The following RIMS2 variants were observed in gnomAD, a reference collection of about 807,000 sequenced individuals.
RIMS2 encodes regulating synaptic membrane exocytosis protein 2.
A neutral mutation model predicts 174.4 loss-of-function variants in RIMS2; 59 were observed. That is an observed-to-expected ratio of 0.34 (90% CI 0.27 to 0.42). The LOEUF is 0.42. Among genes scored for constraint, RIMS2 ranks in the 10% least tolerant of loss-of-function variants. The probability of loss-of-function intolerance (pLI) is 1.00; values close to 1 mark genes in which losing one functional copy is unlikely to be tolerated. For missense variants in RIMS2, 1,620 were observed against 1,666.3 expected, an observed-to-expected ratio of 0.97 and a Z score of 0.48; for synonymous variants, 606 against 572.5, an observed-to-expected ratio of 1.06 and a Z score of -0.84.
At chr8:103,913,656 C>T (rs1015863542) in intron 6 of RIMS2, among the ~76,000 whole-genome samples, 3 of 152,052 alleles carry the variant, frequency 2.0e-5, no homozygotes, top group Non-Finnish European at 4.4e-5. Flanking sequence ...ATGCCAACAT[C>T]TGCTTGGCTT....
At chr8:103,936,086 G>A (rs899064956) in intron 12 of RIMS2, among the ~76,000 whole-genome samples, 1 of 151,908 alleles carries the variant, frequency 6.6e-6, no homozygotes, top group African/African-American at 2.4e-5. Flanking sequence ...AATTATCATT[G>A]GTCATTAGCT....
At chr8:103,985,473 CAAAAAAAAAAAAAAAA>C (rs58750334) in intron 16 of RIMS2, among the ~76,000 whole-genome samples, 5 of 36,162 alleles carry the variant, frequency 1.4e-4, no homozygotes, top group African/African-American at 3.1e-4. Flanking sequence ...GACTCTGTCT[CAAAAAAAAAAAAAAAA>C]AAAAAAAAAA....
intron 3 of RIMS2, among the ~76,000 whole-genome samples, chr8:103,815,101 C>T (rs2098710895): frequency 6.6e-6 from 1 of 152,066 alleles, no homozygotes; most frequent in South Asian, 2.1e-4. Flanking sequence ...AAAAATTTGT[C>T]ATGTTCTTAC....
intron 2 of RIMS2, among the ~76,000 whole-genome samples, 187 bp downstream of exon 4, chr8:103,697,483 C>T (rs562635890): frequency 6.6e-6 from 1 of 150,438 alleles, no homozygotes; most frequent in East Asian, 2.0e-4. Context: ...CCAAGGCGGG[C>T]GGATCACTTT....
chr8:104,062,413 A>C (rs1357089790), intron 19 of RIMS2, among the ~76,000 whole-genome samples: 1 of 152,242 alleles, frequency 6.6e-6, no homozygotes, highest in Non-Finnish European at 1.5e-5. Context: ...TCTCAAAAAA[A>C]TTTTAAAAAA....
chr8:103,890,714 A>C (rs1228569364), intron 4 of RIMS2, among the ~76,000 whole-genome samples: 1 of 151,894 alleles, frequency 6.6e-6, no homozygotes, highest in Non-Finnish European at 1.5e-5. Flanking sequence ...CCTTTGGGCT[A>C]TAGAAGGAGG....
chr8:104,126,674 T>G lies in RIMS2; in HGVS notation c.3334+112059T>G, dbSNP rs7832239. ...AAATATGTGAGTGCTTGTAACACAATGCCTACCATAGGGTAAGCTTTCAAT... is the reference window on the plus strand; with the variant it reads ...AAATATGTGAGTGCTTGTAACACAAGGCCTACCATAGGGTAAGCTTTCAAT... On this transcript the variant is annotated intron_variant, in intron 19 of 23. Transcript: ENST00000504942. 2.8e-3 allele frequency among the ~76,000 whole-genome samples: 433 copies of G among 152,342 alleles called. 3 individuals carry two copies. The highest frequency in any genetic ancestry group is 9.4e-3 in the African/African-American group (392 of 41,586).
chr8:103,986,209 T>C (rs1490081246), intron 16 of RIMS2, among the ~76,000 whole-genome samples: 1 of 152,110 alleles, frequency 6.6e-6, no homozygotes, highest in Admixed American at 6.5e-5. Flanking sequence ...TGTGCAATGT[T>C]TACTTGACAA....
chr8:103,578,849 G>A (rs990340798), intron 1 of RIMS2, among the ~76,000 whole-genome samples: 16 of 151,400 alleles, frequency 1.1e-4, no homozygotes, highest in South Asian at 2.1e-4. Context: ...AAAATTAGCC[G>A]GGCATGGTGG....
At chr8:104,161,881 A>G (rs1177447291) in intron 19 of RIMS2, among the ~76,000 whole-genome samples, 2 of 152,212 alleles carry the variant, frequency 1.3e-5, no homozygotes, top group Admixed American at 1.3e-4. Context: ...TTTCCTGGAC[A>G]TATGACCTCC....
intron 19 of RIMS2, among the ~76,000 whole-genome samples, chr8:104,030,188 G>A (rs556643141): frequency 6.6e-6 from 1 of 152,046 alleles, no homozygotes. Context: ...ACTCTATAGG[G>A]ATTAAAATAC....
chr8:103,545,724 G>C (rs1844736029), intron 1 of RIMS2, among the ~76,000 whole-genome samples: 1 of 152,176 alleles, frequency 6.6e-6, no homozygotes, highest in South Asian at 2.1e-4. Flanking sequence ...CTTATCTTCA[G>C]CATTCTTAAA....
At chr8:103,784,562 A>G (rs1473246960) in intron 3 of RIMS2, among the ~76,000 whole-genome samples, 1 of 67,556 alleles carries the variant, frequency 1.5e-5, no homozygotes, top group Non-Finnish European at 2.9e-5. Flanking sequence ...CAGGTTTGTC[A>G]AAGATCAGAT....
chr8:103,651,214 C>T (rs998947404), intron 1 of RIMS2, among the ~76,000 whole-genome samples: 5 of 152,316 alleles, frequency 3.3e-5, no homozygotes, highest in Admixed American at 6.5e-5. Flanking sequence ...CCCTTTGCTC[C>T]GTGCTGCTCC....
chr8:103,608,063 G>T (rs1331875853), intron 1 of RIMS2, among the ~76,000 whole-genome samples: 1 of 149,820 alleles, frequency 6.7e-6, no homozygotes, highest in Non-Finnish European at 1.5e-5. Flanking sequence ...TTCCTTTGGA[G>T]GAGGAGAGGC....
At chr8:104,249,621 C>T (rs760969911) in intron 22 of RIMS2, 33 bp downstream of exon 28, 1 of 1,193,688 alleles carries the variant, frequency 8.4e-7, no homozygotes, top group South Asian at 1.2e-5. Context: ...TATTATTGTC[C>T]ATAATCCATA....
intron 19 of RIMS2, among the ~76,000 whole-genome samples, chr8:104,027,293 C>T (rs1362083092): frequency 6.6e-6 from 1 of 152,178 alleles, no homozygotes; most frequent in Admixed American, 6.6e-5. Flanking sequence ...AAGTGAAATA[C>T]TTGTAAATGA....
intron 3 of RIMS2, among the ~76,000 whole-genome samples, chr8:103,803,158 T>C (rs115603460): frequency 0.015 from 2,214 of 152,240 alleles, 48 homozygotes; most frequent in African/African-American, 0.051. Flanking sequence ...CAGTATGAGA[T>C]TGGGTGGGGA....
intron 19 of RIMS2, among the ~76,000 whole-genome samples, chr8:104,146,300 G>T (rs2098639469): frequency 6.6e-6 from 1 of 150,976 alleles, no homozygotes; most frequent in South Asian, 2.1e-4. Flanking sequence ...AATCACTTGA[G>T]CCCAGGGGTT....
Sources: allele counts gnomAD v4.1 joint callset (sites outside exome capture counted in the v4.1 genomes callset), GRCh38; gene constraint gnomAD v4.1.1; transcripts MANE v1.5; gene names NCBI Gene and HGNC (gene_info 2026-07-23, HGNC 2026-07-21).